The following CC2D2A variants were observed in gnomAD, a reference collection of about 807,000 sequenced individuals.
CC2D2A encodes coiled-coil and C2 domain-containing protein 2A.
CC2D2A carries 155 observed loss-of-function variants against 212.9 expected under a neutral mutation model. The observed-to-expected ratio is 0.73, with a 90% CI of 0.64 to 0.83. The LOEUF (loss-of-function observed/expected upper bound fraction) is 0.83, where lower values mean the gene tolerates loss of function less well. Among genes scored for constraint, CC2D2A ranks in the 40% least tolerant of loss-of-function variants. The probability of loss-of-function intolerance (pLI) is 0.00; values close to 1 mark genes in which losing one functional copy is unlikely to be tolerated. For synonymous variants in CC2D2A, 667 were observed against 686.5 expected (o/e 0.97, Z 0.44); for missense variants, 1,856 against 1,956.2 (o/e 0.95, Z 0.97).
intron 18 of CC2D2A, among the ~76,000 whole-genome samples, chr4:15,551,686 A>G (rs1287922989): frequency 1.3e-5 from 2 of 152,108 alleles, no homozygotes; most frequent in Admixed American, 6.5e-5. Context: ...CAGACTCTCA[A>G]TCATTTCTTT....
intron 33 of CC2D2A, 105 bp downstream of exon 33, chr4:15,589,784 A>AAC (rs34520230): frequency 6.9e-6 from 2 of 288,784 alleles, no homozygotes; most frequent in Non-Finnish European, 1.2e-5. Flanking sequence ...TATATAAATG[A>AAC]ATATATATAT....
chr4:15,496,791 C>G (rs754695654), intron 4 of CC2D2A, among the ~76,000 whole-genome samples: 2 of 152,108 alleles, frequency 1.3e-5, no homozygotes, highest in African/African-American at 4.8e-5. Context: ...ACAGCCACAT[C>G]AAGAATGCAA....
intron 29 of CC2D2A, among the ~76,000 whole-genome samples, chr4:15,577,491 T>C (rs1348757132): frequency 6.6e-6 from 1 of 152,168 alleles, no homozygotes; most frequent in African/African-American, 2.4e-5. Flanking sequence ...TTGGCACTTC[T>C]TAGATCACTA....
At chr4:15,496,443 A>C (rs1417036598) in intron 4 of CC2D2A, among the ~76,000 whole-genome samples, 2 of 152,144 alleles carry the variant, frequency 1.3e-5, no homozygotes, top group Non-Finnish European at 2.9e-5. Flanking sequence ...GCACATGGCT[A>C]GCCAGTTATC....
chr4:15,527,989 A>G (rs367916405), intron 12 of CC2D2A, among the ~76,000 whole-genome samples: 2 of 152,326 alleles, frequency 1.3e-5, no homozygotes, highest in African/African-American at 4.8e-5. Context: ...TGGCTTGAGA[A>G]TATCTGTCCT....
At chr4:15,536,106 C>A (rs1194960688) in intron 14 of CC2D2A, among the ~76,000 whole-genome samples, 2 of 152,150 alleles carry the variant, frequency 1.3e-5, no homozygotes, top group African/African-American at 4.8e-5. Context: ...CTGGGCTGAT[C>A]TCCTGGTGGA....
At chr4:15,492,658 T>G in intron 4 of CC2D2A, 1 of 584,266 alleles carries the variant, frequency 1.7e-6, no homozygotes, top group South Asian at 1.6e-5. Flanking sequence ...CGGCAGGGAC[T>G]CCTCAGCAGC....
chr4:15,575,933 CAG>C (rs1720385826), intron 29 of CC2D2A, among the ~76,000 whole-genome samples: 1 of 152,214 alleles, frequency 6.6e-6, no homozygotes, highest in South Asian at 2.1e-4. Context: ...TCTATCCTGG[CAG>C]AAAGGATGAA....
chr4:15,591,180 C>A (rs911110650), intron 33 of CC2D2A, among the ~76,000 whole-genome samples: 1 of 151,842 alleles, frequency 6.6e-6, no homozygotes, highest in Non-Finnish European at 1.5e-5. Flanking sequence ...TCTTCCCATC[C>A]TCCTGGGGTA....
At chr4:15,481,939 C>T in intron 4 of CC2D2A, 1 of 985,444 alleles carries the variant, frequency 1.0e-6, no homozygotes, top group Non-Finnish European at 1.2e-6. Context: ...GACACATATA[C>T]TTCTCCCCCT....
At chr4:15,505,029 G>A (rs1193251397) in intron 6 of CC2D2A, among the ~76,000 whole-genome samples, 1 of 152,168 alleles carries the variant, frequency 6.6e-6, no homozygotes, top group East Asian at 1.9e-4. Context: ...TAAAACAGGG[G>A]TAATTCCAGA....
intron 10 of CC2D2A, 39 bp downstream of exon 10, chr4:15,516,043 A>T: frequency 5.3e-6 from 8 of 1,508,104 alleles, no homozygotes; most frequent in Non-Finnish European, 6.2e-6. Context: ...TAGCCTGGGC[A>T]CACTAGACAT....
At position 15,596,144 on chromosome 4, in the gene CC2D2A, G is replaced by T. The variant is rs945686996; in HGVS notation, c.4374G>T (p.Arg1458Ser). The T allele has an allele frequency of 2.6e-6, 4 of 1,548,902 alleles. No homozygotes were observed. The highest frequency in any genetic ancestry group is 1.7e-4 in the Middle Eastern group (1 of 5,918). Residue 1458 changes from arginine (R) to serine (S), a missense_variant, in exon 34 of 37, where the codon AGG becomes AGT. By Grantham distance (110) the Arg-to-Ser change is moderately radical (BLOSUM62 -1). Coordinates refer to ENST00000424120, the MANE Select transcript of CC2D2A (RefSeq NM_001378615.1). ...TAAGGATAAATTTTGATGTCACCAG[G>T]CCCAAGCTATGGAAATCTTTCTTTT... Reference protein sequence around the residue: ...SPLRINFDVTRPKLWKSFFSR... With the variant: ...SPLRINFDVTSPKLWKSFFSR...
chr4:15,509,204 G>A (rs1003240876), intron 6 of CC2D2A, among the ~76,000 whole-genome samples: 21 of 151,910 alleles, frequency 1.4e-4, no homozygotes, highest in African/African-American at 4.8e-4. Flanking sequence ...CATTATCAAT[G>A]TTTTTCTTTA....
chr4:15,567,430 C>T lies in CC2D2A; in HGVS notation c.3236C>T (p.Ala1079Val). The T allele has an allele frequency of 6.2e-7, 1 of 1,613,584 alleles. No homozygotes were observed. Among genetic ancestry groups the T allele is most frequent in the Non-Finnish European group, 8.5e-7 (1 of 1,179,688 alleles). The change falls in exon 25 of 37, where the codon GCT becomes GTT. Residue 1079 changes from alanine to valine, a missense_variant. Transcript: ENST00000424120. Reference protein sequence around the residue: ...SSRMFSEKHAASPSTYSPTHN... With the variant: ...SSRMFSEKHAVSPSTYSPTHN... ...AGGATGTTCAGTGAAAAGCATGCTG[C>T]TTCCCCAAGCACGTACAGCCCAACC...
Position 15,553,143 on chromosome 4 carries a change from C to T in CC2D2A, c.2339-15C>T. 6.3e-7 allele frequency: 1 copy of T among 1,580,296 alleles called. No homozygotes were observed. The highest frequency in any genetic ancestry group is 8.6e-7 in the Non-Finnish European group (1 of 1,167,558). ...CTTTCTAAACAGCATCCTGTTTAAT[C>T]TGGTGTTTCCCCAGGAGTGCCCTTC... On this transcript the variant is annotated splice_polypyrimidine_tract_variant and intron_variant, in intron 18 of 36. Coordinates refer to ENST00000424120, the MANE Select transcript of CC2D2A (RefSeq NM_001378615.1).
Position 15,559,176 on chromosome 4 carries a change from A to T in CC2D2A, c.2841A>T (p.Lys947Asn), listed in dbSNP as rs979292127. The T allele has an allele frequency of 1.3e-6, 2 of 1,546,608 alleles. No homozygotes were observed. The highest frequency in any genetic ancestry group is 4.0e-5 in the Admixed American group (2 of 49,932). The change falls in exon 22 of 37, where the codon AAA (lysine) becomes AAT (asparagine). Residue 947 changes from lysine (K) to asparagine (N), a missense_variant. By Grantham distance (94) the Lys-to-Asn change is moderately conservative (BLOSUM62 0). Coordinates refer to ENST00000424120, the MANE Select transcript of CC2D2A (RefSeq NM_001378615.1). ...IMEKVFQDYE[K>N]RLRDRNVIET... is the part of the protein sequence containing the mutation. Reference sequence around the variant, plus strand: ...CTTTTTAATTTTAGGACTATGAGAAACGGTTACGAGACAGAAATGTAATAG... The same window carrying T: ...CTTTTTAATTTTAGGACTATGAGAATCGGTTACGAGACAGAAATGTAATAG...
intron 19 of CC2D2A, among the ~76,000 whole-genome samples, chr4:15,554,320 T>C (rs181615430): frequency 2.6e-4 from 39 of 152,368 alleles, no homozygotes; most frequent in Middle Eastern, 6.8e-3. Context: ...CCTTGCTGAC[T>C]ACTGTGGCTT....
At chr4:15,530,485 C>A (rs185107990) in intron 13 of CC2D2A, among the ~76,000 whole-genome samples, 20 of 152,176 alleles carry the variant, frequency 1.3e-4, no homozygotes, top group African/African-American at 4.6e-4. Context: ...AAAAAAGTGA[C>A]AAAAAGCTAT....
Sources: gnomAD v4.1 joint callset for allele counts (sites outside exome capture counted in the v4.1 genomes callset) on GRCh38, gnomAD v4.1.1 for gene constraint, MANE v1.5 for transcripts, NCBI Gene and HGNC (gene_info 2026-07-23, HGNC 2026-07-21) for gene names.